The following TMEM132D variants were observed in gnomAD, a reference collection of about 807,000 sequenced individuals.
TMEM132D encodes transmembrane protein 132D, also known as mature OL transmembrane protein.
In TMEM132D, 21 loss-of-function variants were observed where a neutral mutation model predicts 62.3. The ratio of observed to expected loss-of-function variants is 0.34; its 90% CI spans 0.24 to 0.49. The LOEUF (loss-of-function observed/expected upper bound fraction) is 0.49, where lower values mean the gene tolerates loss of function less well. Among genes scored for constraint, TMEM132D ranks in the 20% least tolerant of loss-of-function variants. TMEM132D has a pLI of 0.99. For synonymous variants in TMEM132D, 621 were observed against 575.6 expected (o/e 1.08, Z -1.13); for missense variants, 1,346 against 1,402.8 (o/e 0.96, Z 0.65).
At chr12:129,521,792 C>A (rs1310859848) in intron 3 of TMEM132D, 1 of 152,148 alleles carries the variant, frequency 6.6e-6, no homozygotes, top group Non-Finnish European at 1.5e-5. Context: ...CACCAGCTGG[C>A]AGACATTTGG....
intron 4 of TMEM132D, among the ~76,000 whole-genome samples, chr12:129,224,385 T>C (rs965568403): frequency 2.6e-5 from 4 of 152,178 alleles, no homozygotes; most frequent in African/African-American, 9.7e-5. Context: ...AAATTTGTTT[T>C]AAATATACAC....
At chr12:129,873,478 A>AT (rs1228214776) in intron 1 of TMEM132D, among the ~76,000 whole-genome samples, 3 of 152,236 alleles carry the variant, frequency 2.0e-5, no homozygotes, top group Admixed American at 6.5e-5. Flanking sequence ...ATTTAAGCTG[A>AT]TTCGTCAAAA....
rs148179629 is a variant in TMEM132D, at chr12:129,807,017, G to C, written c.79+96244C>G. Reference sequence around the variant, plus strand: ...CCACTGCACTTCAGCCTGGGCAACAGAGCAAGACCCTATCTAAATAAATGA... The same window carrying C: ...CCACTGCACTTCAGCCTGGGCAACACAGCAAGACCCTATCTAAATAAATGA... On this transcript the variant is annotated intron_variant, in intron 1 of 8. Coordinates refer to ENST00000422113, the MANE Select transcript of TMEM132D (RefSeq NM_133448.3). Among the ~76,000 whole-genome samples the C allele has an allele frequency of 5.3e-3, 806 of 152,260 alleles. 6 individuals are homozygous for C. Among genetic ancestry groups the C allele is most frequent in the African/African-American group, 0.018 (735 of 41,552 alleles).
chr12:129,433,409 A>T (rs1412986942), intron 3 of TMEM132D, among the ~76,000 whole-genome samples: 1 of 152,208 alleles, frequency 6.6e-6, no homozygotes, highest in Non-Finnish European at 1.5e-5. Context: ...CGCACTCTCA[A>T]TTAATTGGTA....
chr12:129,197,128 T>G (rs1045388432), intron 5 of TMEM132D, among the ~76,000 whole-genome samples: 4 of 152,188 alleles, frequency 2.6e-5, no homozygotes, highest in Non-Finnish European at 5.9e-5. Flanking sequence ...AAGCAGCTAC[T>G]AACAAGATGT....
At chr12:129,192,728 G>GTA (rs1373835822) in intron 5 of TMEM132D, among the ~76,000 whole-genome samples, 1 of 152,122 alleles carries the variant, frequency 6.6e-6, no homozygotes, top group African/African-American at 2.4e-5. Flanking sequence ...CAAATGGGGG[G>GTA]TTTGAATTAC....
At chr12:129,234,778 G>C (rs1000789262) in intron 4 of TMEM132D, among the ~76,000 whole-genome samples, 1 of 152,072 alleles carries the variant, frequency 6.6e-6, no homozygotes, top group Non-Finnish European at 1.5e-5. Flanking sequence ...TATTATTGTG[G>C]GAGAGTATAA....
intron 1 of TMEM132D, among the ~76,000 whole-genome samples, chr12:129,806,803 A>G (rs1032788510): frequency 1.3e-5 from 2 of 152,192 alleles, no homozygotes; most frequent in African/African-American, 2.4e-5. Flanking sequence ...AGGTGGGTGC[A>G]TTGCTTGAGC....
chr12:129,481,021 C>T (rs895176475), intron 3 of TMEM132D, among the ~76,000 whole-genome samples: 3 of 152,046 alleles, frequency 2.0e-5, no homozygotes, highest in Non-Finnish European at 4.4e-5. Flanking sequence ...AGCAACTAAC[C>T]TGAAATGCAC....
At chr12:129,809,812 T>C (rs1376404269) in intron 1 of TMEM132D, among the ~76,000 whole-genome samples, 3 of 152,030 alleles carry the variant, frequency 2.0e-5, no homozygotes, top group African/African-American at 4.8e-5. Context: ...AGAGGGTAAA[T>C]AAACACAGAT....
intron 4 of TMEM132D, among the ~76,000 whole-genome samples, chr12:129,261,321 G>C (rs1335577848): frequency 6.6e-6 from 1 of 152,162 alleles, no homozygotes; most frequent in Non-Finnish European, 1.5e-5. Context: ...GAATCATGGG[G>C]GTGGGTTTCC....
At chr12:129,305,957 G>A (rs923838430) in intron 4 of TMEM132D, among the ~76,000 whole-genome samples, 26 of 152,252 alleles carry the variant, frequency 1.7e-4, no homozygotes, top group Admixed American at 8.5e-4. Context: ...TAATTTCCCC[G>A]TGGTGCCTTC....
chr12:129,763,953 C>T (rs1385333521), intron 1 of TMEM132D, among the ~76,000 whole-genome samples: 1 of 152,200 alleles, frequency 6.6e-6, no homozygotes, highest in Non-Finnish European at 1.5e-5. Context: ...CGCAGAGCCT[C>T]TTGGCATGAT....
chr12:129,710,988 G>A (rs1593130188), intron 1 of TMEM132D, among the ~76,000 whole-genome samples: 1 of 151,654 alleles, frequency 6.6e-6, no homozygotes, highest in Admixed American at 6.6e-5. Flanking sequence ...CCCTACCCAC[G>A]CGCATTCCCT....
rs559991969 is a variant in TMEM132D, at chr12:129,660,634, T to G, written c.968+39176A>C. On this transcript the variant is annotated intron_variant, in intron 2 of 8. Coordinates refer to ENST00000422113, the MANE Select transcript of TMEM132D (RefSeq NM_133448.3). Reference sequence around the variant, plus strand: ...AGGCTCAGTCGCCATGAAGCCTGCATGTAAAAAACGGGGTGTCAGCAAAGC... The same window carrying G: ...AGGCTCAGTCGCCATGAAGCCTGCAGGTAAAAAACGGGGTGTCAGCAAAGC... 1.4e-4 allele frequency among the ~76,000 whole-genome samples: 21 copies of G among 152,264 alleles called. 1 individual carries two copies. The East Asian group carries it at 4.1e-3, about 29-fold the overall frequency.
intron 3 of TMEM132D, among the ~76,000 whole-genome samples, chr12:129,382,756 T>G (rs145115836): frequency 9.7e-4 from 148 of 152,282 alleles, no homozygotes; most frequent in African/African-American, 3.4e-3. Context: ...AAAGTGAGAT[T>G]TGAGGTGAAC....
chr12:129,144,707 A>ATCTATCTATCTG (rs1876839869), intron 5 of TMEM132D, among the ~76,000 whole-genome samples: 1 of 151,784 alleles, frequency 6.6e-6, no homozygotes, highest in South Asian at 2.1e-4. Flanking sequence ...CTATCTATCT[A>ATCTATCTATCTG]GCGACCTACC....
intron 1 of TMEM132D, among the ~76,000 whole-genome samples, chr12:129,829,556 TG>T (rs1469979407): frequency 6.6e-6 from 1 of 152,158 alleles, no homozygotes; most frequent in Admixed American, 6.5e-5. Context: ...CAGAGGTCAA[TG>T]TCTGTCCTGA....
intron 3 of TMEM132D, among the ~76,000 whole-genome samples, chr12:129,378,289 A>G (rs1015372813): frequency 3.3e-5 from 5 of 152,186 alleles, no homozygotes; most frequent in Admixed American, 6.5e-5. Context: ...CCAGCCTTTG[A>G]GGCATCTTCC....
Sources: allele counts gnomAD v4.1 joint callset (sites outside exome capture counted in the v4.1 genomes callset), GRCh38; gene constraint gnomAD v4.1.1; transcripts MANE v1.5; gene names NCBI Gene and HGNC (gene_info 2026-07-23, HGNC 2026-07-21).